Variants in TSPEAR observed in about 807,000 individuals in gnomAD.
The protein encoded by TSPEAR is thrombospondin-type laminin G domain and EAR repeat-containing protein.
A neutral mutation model predicts 71.6 loss-of-function variants in TSPEAR; 69 were observed. That is an observed-to-expected ratio of 0.96 (90% CI 0.79 to 1.18). The LOEUF (loss-of-function observed/expected upper bound fraction) is 1.18. Among genes scored for constraint, TSPEAR ranks in the 50% most tolerant of loss-of-function variants. The probability of loss-of-function intolerance (pLI) is 0.00; values close to 1 mark genes in which losing one functional copy is unlikely to be tolerated. For missense variants in TSPEAR, 971 were observed against 894.9 expected (o/e 1.09, Z -1.09); for synonymous variants, 402 against 387.2 (o/e 1.04, Z -0.45).
Position 44,501,779 on chromosome 21 carries a change from TAAG to T in TSPEAR, c.1857-1846_1857-1844del, listed in dbSNP as rs368742434. Among the ~76,000 whole-genome samples the T allele has an allele frequency of 5.3e-3, 808 of 151,944 alleles. 10 individuals are homozygous for T. Among genetic ancestry groups the T allele is most frequent in the African/African-American group, 0.019 (769 of 41,424 alleles). On this transcript the variant is annotated intron_variant, in intron 11 of 11. Transcript: ENST00000323084. ...GACCCTGTCCCCCCCAAAAAATAAA[TAAG>T]AAGGAGATATTATTAAAAAGGTACC...
chr21:44,569,428 C>T (rs587749948), intron 1 of TSPEAR, among the ~76,000 whole-genome samples: 1 of 152,222 alleles, frequency 6.6e-6, no homozygotes, highest in African/African-American at 2.4e-5. Context: ...ACCCTGGCTG[C>T]AGGACGCTGC....
intron 1 of TSPEAR, among the ~76,000 whole-genome samples, chr21:44,667,666 G>A (rs17284014): frequency 0.04 from 6,014 of 152,164 alleles, 129 homozygotes; most frequent in Middle Eastern, 0.085. Flanking sequence ...AATATAGAAG[G>A]TTCCAAGGGC....
chr21:44,685,022 T>C (rs4050953), intron 1 of TSPEAR, among the ~76,000 whole-genome samples: 98,141 of 151,992 alleles, frequency 0.65, 31,861 homozygotes, highest in South Asian at 0.72. Flanking sequence ...AAGGTCACTC[T>C]CACATGGCCA....
chr21:44,646,653 C>T (rs1555939887), intron 1 of TSPEAR: 5 of 1,613,558 alleles, frequency 3.1e-6, no homozygotes, highest in East Asian at 2.2e-5. Context: ...GTGAGCCCAG[C>T]GCCTGCCAAT....
intron 1 of TSPEAR, among the ~76,000 whole-genome samples, chr21:44,663,773 A>C (rs1470726762): frequency 1.3e-5 from 2 of 152,268 alleles, no homozygotes; most frequent in Middle Eastern, 3.4e-3. Flanking sequence ...GGTCGTGATC[A>C]TGTGAGATTT....
intron 9 of TSPEAR, among the ~76,000 whole-genome samples, chr21:44,513,331 G>A (rs1277719999): frequency 8.5e-5 from 13 of 152,174 alleles, no homozygotes; most frequent in African/African-American, 2.4e-4. Context: ...CCCAGGGGCT[G>A]TGCCAACCCA....
At chr21:44,500,924 G>A (rs1390229230) in intron 11 of TSPEAR, among the ~76,000 whole-genome samples, 3 of 152,148 alleles carry the variant, frequency 2.0e-5, no homozygotes, top group East Asian at 3.9e-4. Context: ...ACAGGTGGTC[G>A]ACCCAGTGCC....
At chr21:44,587,599 C>T (rs187055394) in intron 1 of TSPEAR, among the ~76,000 whole-genome samples, 36 of 152,174 alleles carry the variant, frequency 2.4e-4, no homozygotes, top group Admixed American at 4.6e-4. Flanking sequence ...AGAACAAATC[C>T]GGAGGCATCA....
intron 1 of TSPEAR, among the ~76,000 whole-genome samples, chr21:44,590,585 G>T (rs1393551436): frequency 6.6e-6 from 1 of 152,160 alleles, no homozygotes; most frequent in Non-Finnish European, 1.5e-5. Context: ...CTGGGGGAGG[G>T]CGTGGTCCCC....
chr21:44,651,356 G>C (rs1165022998), intron 1 of TSPEAR, among the ~76,000 whole-genome samples: 2 of 152,212 alleles, frequency 1.3e-5, no homozygotes, highest in South Asian at 2.1e-4. Flanking sequence ...GAAGTTGGAT[G>C]TGTGTCCTGT....
intron 1 of TSPEAR, chr21:44,638,265 C>T (rs1385832156): frequency 6.6e-7 from 1 of 1,504,776 alleles, no homozygotes; most frequent in Non-Finnish European, 8.9e-7. Context: ...TTGACACCCT[C>T]AGAAGGTGGG....
At chr21:44,503,963 G>C (rs587714297) in intron 11 of TSPEAR, among the ~76,000 whole-genome samples, 18 of 107,960 alleles carry the variant, frequency 1.7e-4, no homozygotes, top group African/African-American at 6.0e-4. Flanking sequence ...GGAGGCCGGA[G>C]TTGGTGAGCC....
At chr21:44,617,025 TG>T (rs1316519852) in intron 1 of TSPEAR, among the ~76,000 whole-genome samples, 1 of 152,022 alleles carries the variant, frequency 6.6e-6, no homozygotes, top group Admixed American at 6.5e-5. Context: ...AAAACACACA[TG>T]GGGGGTCTCT....
chr21:44,706,668 T>C (rs527500433), intron 1 of TSPEAR, among the ~76,000 whole-genome samples: 1 of 152,332 alleles, frequency 6.6e-6, no homozygotes, highest in East Asian at 1.9e-4. Context: ...GCTCCGGGCC[T>C]CAGGGGTCGC....
intron 1 of TSPEAR, among the ~76,000 whole-genome samples, chr21:44,703,797 A>G (rs1285911881): frequency 2.6e-5 from 4 of 152,046 alleles, no homozygotes; most frequent in African/African-American, 9.7e-5. Flanking sequence ...CAGTGTTTCC[A>G]GGATCCCCAA....
chr21:44,591,908 G>T (rs1555926721), intron 1 of TSPEAR: 6 of 1,606,668 alleles, frequency 3.7e-6, no homozygotes, highest in Non-Finnish European at 4.2e-6. Context: ...CAGGGGCTGG[G>T]CTCACAGACC....
At chr21:44,631,536 A>G (rs992650392) in intron 1 of TSPEAR, among the ~76,000 whole-genome samples, 5 of 152,100 alleles carry the variant, frequency 3.3e-5, no homozygotes, top group Admixed American at 3.3e-4. Flanking sequence ...GGGGCAACAT[A>G]GTGAAACCCT....
intron 1 of TSPEAR, among the ~76,000 whole-genome samples, chr21:44,662,989 C>T (rs1277188168): frequency 6.6e-6 from 1 of 151,714 alleles, no homozygotes; most frequent in East Asian, 1.9e-4. Context: ...AAAATTATAT[C>T]ATTAAGTGCT....
Position 44,536,796 on chromosome 21 carries a change from T to A in TSPEAR, c.304-2873A>T, listed in dbSNP as rs191094365. Among the ~76,000 whole-genome samples, 73 of 152,038 alleles carry A rather than the reference T, an allele frequency of 4.8e-4. 1 individual carries two copies. Among genetic ancestry groups the A allele is most frequent in the African/African-American group, 1.7e-3 (71 of 41,452 alleles). Reference sequence around the variant, plus strand: ...ATCTACATAGAAAAATCCAAGAAAATCAATGACAAACTGTAAGAACTAATA... The same window carrying A: ...ATCTACATAGAAAAATCCAAGAAAAACAATGACAAACTGTAAGAACTAATA... On this transcript the variant is annotated intron_variant, in intron 2 of 11. Transcript: ENST00000323084.
Sources: gnomAD v4.1 joint callset for allele counts (sites outside exome capture counted in the v4.1 genomes callset) on GRCh38, gnomAD v4.1.1 for gene constraint, MANE v1.5 for transcripts, NCBI Gene and HGNC (gene_info 2026-07-23, HGNC 2026-07-21) for gene names.